Variants in SUPT3H observed in about 807,000 individuals in gnomAD.
SUPT3H encodes the protein SPT3 homolog, SAGA and STAGA complex component.
In SUPT3H, 44 loss-of-function variants were observed where a neutral mutation model predicts 44.3. The ratio of observed to expected loss-of-function variants is 0.99; its 90% CI spans 0.78 to 1.28. The LOEUF (loss-of-function observed/expected upper bound fraction) is 1.28, where lower values mean the gene tolerates loss of function less well. Among genes scored for constraint, SUPT3H ranks in the 50% most tolerant of loss-of-function variants. The pLI, the probability that SUPT3H is intolerant of heterozygous loss-of-function variation, is 0.00. For synonymous variants in SUPT3H, 124 were observed against 125.6 expected (o/e 0.99, Z 0.09); for missense variants, 380 against 387.1 (o/e 0.98, Z 0.15).
At chr6:44,857,524 C>G (rs916326977) in intron 10 of SUPT3H, among the ~76,000 whole-genome samples, 1 of 152,162 alleles carries the variant, frequency 6.6e-6, no homozygotes, top group Non-Finnish European at 1.5e-5. Flanking sequence ...TTGAAAAATG[C>G]ACTCTTTGGT....
At chr6:45,171,679 C>T (rs1810783454) in intron 2 of SUPT3H, among the ~76,000 whole-genome samples, 1 of 150,516 alleles carries the variant, frequency 6.6e-6, no homozygotes, top group Admixed American at 6.6e-5. Context: ...GAAATCATTC[C>T]CTTCTGGTAA....
intron 10 of SUPT3H, among the ~76,000 whole-genome samples, chr6:44,864,791 G>C (rs1187675030): frequency 6.6e-6 from 1 of 152,210 alleles, no homozygotes; most frequent in Non-Finnish European, 1.5e-5. Context: ...GCCATGATGG[G>C]AAGGGCTGCC....
chr6:45,203,001 G>A (rs945815273), intron 2 of SUPT3H, among the ~76,000 whole-genome samples: 21 of 152,132 alleles, frequency 1.4e-4, no homozygotes, highest in African/African-American at 5.1e-4. Context: ...CACAAATACT[G>A]ATAAAATATA....
At chr6:45,192,344 CG>C (rs1011974705) in intron 2 of SUPT3H, among the ~76,000 whole-genome samples, 4 of 151,860 alleles carry the variant, frequency 2.6e-5, no homozygotes, top group Non-Finnish European at 5.9e-5. Flanking sequence ...CTTATTAAAA[CG>C]AAACTGTTTG....
At chr6:45,221,918 A>G (rs1381131318) in intron 2 of SUPT3H, among the ~76,000 whole-genome samples, 1 of 152,184 alleles carries the variant, frequency 6.6e-6, no homozygotes, top group East Asian at 1.9e-4. Context: ...GTGGTACTGT[A>G]GATGGACAAA....
At chr6:44,853,282 T>A (rs543070972) in intron 10 of SUPT3H, among the ~76,000 whole-genome samples, 1 of 152,218 alleles carries the variant, frequency 6.6e-6, no homozygotes, top group African/African-American at 2.4e-5. Flanking sequence ...CCACAACCCA[T>A]GTTCTCAACT....
chr6:44,888,354 C>G (rs1041531679), intron 10 of SUPT3H, among the ~76,000 whole-genome samples: 2 of 151,960 alleles, frequency 1.3e-5, no homozygotes, highest in Admixed American at 1.3e-4. Flanking sequence ...AACATTGATG[C>G]AAAAATCCTC....
intron 2 of SUPT3H, among the ~76,000 whole-genome samples, chr6:45,317,675 T>C (rs1274572459): frequency 2.0e-5 from 3 of 152,044 alleles, no homozygotes; most frequent in Non-Finnish European, 4.4e-5. Flanking sequence ...TCTAACAACA[T>C]ACACAAAAAT....
rs530050144 is a variant in SUPT3H at position 45,362,306 on chromosome 6, GAAC to G, written c.101+2892_101+2894del. On this transcript the variant is annotated intron_variant, in intron 2 of 10. Coordinates refer to ENST00000371459, the MANE Select transcript of SUPT3H (RefSeq NM_003599.4). The stretch of plus-strand genomic sequence containing the variant: ...TTATTTAGACACCAGGGAGCCAAAA[GAAC>G]AACAACTCATTAATAGTGAATGGAT... 3.7e-4 allele frequency among the ~76,000 whole-genome samples: 57 copies of G among 152,184 alleles called. 1 individual carries two copies. Among genetic ancestry groups the G allele is most frequent in the South Asian group, 3.1e-3 (15 of 4,818 alleles).
intron 2 of SUPT3H, among the ~76,000 whole-genome samples, chr6:45,181,876 TAAA>T (rs1422337523): frequency 5.0e-5 from 6 of 121,112 alleles, no homozygotes; most frequent in Non-Finnish European, 4.9e-5. Context: ...TAATAATAAA[TAAA>T]TAAATAAATA....
At chr6:45,337,497 G>T (rs1335839139) in intron 2 of SUPT3H, among the ~76,000 whole-genome samples, 2 of 151,536 alleles carry the variant, frequency 1.3e-5, no homozygotes, top group South Asian at 4.2e-4. Flanking sequence ...TTAAGCTGAT[G>T]CATCTACACA....
intron 2 of SUPT3H, among the ~76,000 whole-genome samples, chr6:45,221,943 G>A (rs1766129430): frequency 6.6e-6 from 1 of 151,978 alleles, no homozygotes. Context: ...TAGATCAATA[G>A]AACAGAATAC....
intron 2 of SUPT3H, among the ~76,000 whole-genome samples, chr6:45,303,671 TAAA>T (rs36119324): frequency 3.5e-5 from 4 of 113,056 alleles, no homozygotes; most frequent in Non-Finnish European, 1.8e-5. Flanking sequence ...ATTCTAGAAG[TAAA>T]AAAAAAAAAA....
chr6:44,822,302 C>T (rs1042206125), downstream of SUPT3H, among the ~76,000 whole-genome samples: 6 of 152,112 alleles, frequency 3.9e-5, no homozygotes, highest in South Asian at 2.1e-4. Flanking sequence ...GAGTAGCTTC[C>T]GGTTCACAAA....
chr6:45,025,081 ATC>A (rs1215252574), intron 3 of SUPT3H, among the ~76,000 whole-genome samples: 1 of 152,112 alleles, frequency 6.6e-6, no homozygotes, highest in Non-Finnish European at 1.5e-5. Context: ...TAATACATAA[ATC>A]TCTCTCATAC....
chr6:45,198,886 A>C (rs990979797), intron 2 of SUPT3H, among the ~76,000 whole-genome samples: 5 of 151,366 alleles, frequency 3.3e-5, no homozygotes, highest in African/African-American at 1.2e-4. Context: ...AATAATATGA[A>C]ACTAAATCAT....
intron 10 of SUPT3H, among the ~76,000 whole-genome samples, chr6:44,848,289 T>G (rs1286058716): frequency 2.0e-5 from 3 of 152,104 alleles, no homozygotes; most frequent in Non-Finnish European, 4.4e-5. Flanking sequence ...ATAACTAGAC[T>G]TCTGGAGGTC....
intron 5 of SUPT3H, among the ~76,000 whole-genome samples, chr6:45,012,665 T>A (rs969995636): frequency 2.0e-5 from 3 of 152,106 alleles, no homozygotes; most frequent in African/African-American, 7.2e-5. Context: ...CAAAAAGCAG[T>A]TTCTATTGTC....
At chr6:44,946,889 G>C (rs115780138) in intron 9 of SUPT3H, among the ~76,000 whole-genome samples, 1 of 152,202 alleles carries the variant, frequency 6.6e-6, no homozygotes, top group Non-Finnish European at 1.5e-5. Flanking sequence ...ACGTGCTACA[G>C]AGAAATCTTT....
Sources: gnomAD v4.1 joint callset for allele counts (sites outside exome capture counted in the v4.1 genomes callset) on GRCh38, gnomAD v4.1.1 for gene constraint, MANE v1.5 for transcripts, NCBI Gene and HGNC (gene_info 2026-07-23, HGNC 2026-07-21) for gene names.